Variants in TEX48 observed in about 807,000 individuals in gnomAD.
TEX48 encodes testis-expressed protein 48.
Under a neutral mutation model 13.2 loss-of-function variants are expected in TEX48, and 10 were observed. The ratio of observed to expected loss-of-function variants is 0.75; its 90% CI spans 0.47 to 1.28. The LOEUF (loss-of-function observed/expected upper bound fraction) is 1.28. Ranked by LOEUF, TEX48 falls within the 50% of genes most tolerant of loss-of-function variation. The pLI, the probability that TEX48 is intolerant of heterozygous loss-of-function variation, is 0.00. For synonymous variants in TEX48, 45 were observed against 52.3 expected (o/e 0.86, Z 0.60); for missense variants, 116 against 139.4 (o/e 0.83, Z 0.84).
At chr9:114,669,510 C>T (rs1022130219) in intron 3 of TEX48, among the ~76,000 whole-genome samples, 5 of 151,840 alleles carry the variant, frequency 3.3e-5, no homozygotes, top group African/African-American at 1.2e-4. Context: ...GGCACGATCT[C>T]GGCTCACCGC....
At chr9:114,674,590 TTTCTC>T (rs2133762913) in intron 1 of TEX48, among the ~76,000 whole-genome samples, 2 of 102,196 alleles carry the variant, frequency 2.0e-5, no homozygotes, top group East Asian at 5.6e-4. Flanking sequence ...TTTTTTCTCT[TTTCTC>T]TTTTTCTTTC....
chr9:114,673,329 G>T (rs1827982274), intron 1 of TEX48, among the ~76,000 whole-genome samples: 1 of 151,934 alleles, frequency 6.6e-6, no homozygotes, highest in African/African-American at 2.4e-5. Flanking sequence ...AAAACTAGCT[G>T]GGTGTGTGGC....
intron 1 of TEX48, among the ~76,000 whole-genome samples, chr9:114,678,486 T>C (rs1351516250): frequency 6.6e-6 from 1 of 152,234 alleles, no homozygotes; most frequent in Non-Finnish European, 1.5e-5. Flanking sequence ...GTATATCCTG[T>C]GTAATTCAGG....
At chr9:114,677,155 T>G (rs1468341655) in intron 1 of TEX48, among the ~76,000 whole-genome samples, 1 of 152,198 alleles carries the variant, frequency 6.6e-6, no homozygotes, top group East Asian at 1.9e-4. Context: ...GTGGATTTTT[T>G]GGTCAAAGTG....
chr9:114,669,720 C>T (rs1827911234), intron 3 of TEX48, among the ~76,000 whole-genome samples: 1 of 151,976 alleles, frequency 6.6e-6, no homozygotes, highest in African/African-American at 2.4e-5. Context: ...GGATTAAAGA[C>T]ATGAACCACC....
At chr9:114,681,196 G>A (rs1318145164) in intron 1 of TEX48, among the ~76,000 whole-genome samples, 3 of 151,628 alleles carry the variant, frequency 2.0e-5, no homozygotes, top group Non-Finnish European at 2.9e-5. Context: ...CGTGGAGATC[G>A]TCCGTATTAT....
chr9:114,679,142 A>G (rs1200744405), intron 1 of TEX48, among the ~76,000 whole-genome samples: 1 of 152,066 alleles, frequency 6.6e-6, no homozygotes, highest in African/African-American at 2.4e-5. Flanking sequence ...TGTAAGTAAA[A>G]GGAGCCCTTT....
chr9:114,670,491 T>G (rs888694899), intron 3 of TEX48, among the ~76,000 whole-genome samples: 3 of 117,134 alleles, frequency 2.6e-5, no homozygotes, highest in Non-Finnish European at 3.8e-5. Context: ...CAATAGTGCT[T>G]CTTTTTTTTT....
chr9:114,670,681 A>AG (rs1322865020), intron 3 of TEX48, among the ~76,000 whole-genome samples: 1 of 152,112 alleles, frequency 6.6e-6, no homozygotes, highest in Admixed American at 6.5e-5. Flanking sequence ...AAAGATTTAA[A>AG]GGGGGGTGGC....
chr9:114,675,648 A>G (rs1828045747), intron 1 of TEX48, among the ~76,000 whole-genome samples: 1 of 152,216 alleles, frequency 6.6e-6, no homozygotes, highest in Non-Finnish European at 1.5e-5. Context: ...ACCTAAAGCT[A>G]GAGTTATCTG....
chr9:114,666,861 A>G (rs1239339953), intron 4 of TEX48, 115 bp from the exon 5 acceptor site: 1 of 622,078 alleles, frequency 1.6e-6, no homozygotes, highest in South Asian at 1.9e-5. Flanking sequence ...TTGAATCTCA[A>G]GGGACCCAAG....
chr9:114,667,037 G>A (rs1232635432), intron 4 of TEX48, among the ~76,000 whole-genome samples: 2 of 152,158 alleles, frequency 1.3e-5, no homozygotes, highest in African/African-American at 4.8e-5. Context: ...TGACACTTAC[G>A]TCATTCCCTA....
At chr9:114,668,379 G>GGTGA in intron 3 of TEX48, 42 bp from the exon 4 acceptor site, 2 of 1,521,044 alleles carry the variant, frequency 1.3e-6, no homozygotes, top group Non-Finnish European at 1.8e-6. Context: ...GGGAGGCTTA[G>GGTGA]GTGAGATCAC....
rs151334520 is a variant in TEX48 at position 114,668,500 on chromosome 9, C to T, written c.128-163G>A. Among the ~76,000 whole-genome samples the T allele has an allele frequency of 1.3e-3, 201 of 152,202 alleles. 4 individuals are homozygous for T. In the East Asian group the frequency reaches 0.031, roughly 23 times the overall value. The stretch of plus-strand genomic sequence containing the variant: ...CACCTCCTGTCCTCTGAGGGCTTCC[C>T]CTCACAAGCAGGTGCTGGATTCAAA... On this transcript the variant is annotated intron_variant, in intron 3 of 4. Coordinates refer to ENST00000436752, the MANE Select transcript of TEX48 (RefSeq NM_001199233.2).
intron 4 of TEX48, among the ~76,000 whole-genome samples, chr9:114,667,418 A>G (rs1827861209): frequency 1.3e-5 from 2 of 152,282 alleles, no homozygotes; most frequent in South Asian, 2.1e-4. Context: ...TCTGTGACCC[A>G]GAGGCATTTC....
rs1280385164 is a variant in TEX48, at chr9:114,666,610, C to G, written c.*33G>C. ...CACCGCCCTCTTCCTCATGGAGATG[C>G]CCCAGCAGCTGTGCAGCCGCCGGCT... On this transcript the variant is annotated 3_prime_UTR_variant, in exon 5 of 5. Coordinates refer to ENST00000436752, the MANE Select transcript of TEX48 (RefSeq NM_001199233.2). 4.7e-6 allele frequency: 6 copies of G among 1,267,310 alleles called. No homozygotes were observed. Among genetic ancestry groups the G allele is most frequent in the Admixed American group, 2.3e-5 (1 of 43,218 alleles). 78.5% of individuals were successfully genotyped at this position (1,267,310 alleles called of 1,614,324 possible).
intron 1 of TEX48, among the ~76,000 whole-genome samples, chr9:114,674,587 T>TCTCA (rs1233389151): frequency 6.9e-6 from 1 of 145,622 alleles, no homozygotes; most frequent in Non-Finnish European, 1.5e-5. Context: ...TCTTTTTTTC[T>TCTCA]CTTTTCTCTT....
chr9:114,678,906 A>G lies in TEX48; in HGVS notation c.-105+3129T>C, dbSNP rs1187616852. On this transcript the variant is annotated intron_variant, in intron 1 of 4. Transcript: ENST00000436752. The stretch of plus-strand genomic sequence containing the variant: ...GAAAATGTTTAAGAGTAGCAGGATG[A>G]AAAAGGTCAGAAGATTCAAATAACC... Among the ~76,000 whole-genome samples, 3 of 152,022 alleles carry G rather than the reference A, an allele frequency of 2.0e-5. No homozygotes were observed. The East Asian group carries it at 5.8e-4, about 29-fold the overall frequency.
At chr9:114,666,962 G>A (rs539992053) in intron 4 of TEX48, among the ~76,000 whole-genome samples, 1 of 152,302 alleles carries the variant, frequency 6.6e-6, no homozygotes, top group South Asian at 2.1e-4. Context: ...TGGCTTCAGT[G>A]ACAGTAGGCT....
Sources: gnomAD v4.1 joint callset for allele counts (sites outside exome capture counted in the v4.1 genomes callset) on GRCh38, gnomAD v4.1.1 for gene constraint, MANE v1.5 for transcripts, NCBI Gene and HGNC (gene_info 2026-07-23, HGNC 2026-07-21) for gene names.